CDH13: variants seen among roughly 807,000 people sequenced by gnomAD.
The protein encoded by CDH13 is cadherin-13.
CDH13 carries 24 observed loss-of-function variants against 63.8 expected under a neutral mutation model. The ratio of observed to expected loss-of-function variants is 0.38; its 90% CI spans 0.27 to 0.53. The LOEUF (loss-of-function observed/expected upper bound fraction) is 0.53, where lower values mean the gene tolerates loss of function less well. Among genes scored for constraint, CDH13 ranks in the 20% least tolerant of loss-of-function variants. The pLI is 0.85. For synonymous variants in CDH13, 503 were observed against 355.3 expected (o/e 1.42, Z -4.67); for missense variants, 1,049 against 903.1 (o/e 1.16, Z -2.07).
intron 8 of CDH13, 55 bp from the exon 9 acceptor site, chr16:83,670,735 G>A (rs1348835592): frequency 2.4e-5 from 36 of 1,505,160 alleles, no homozygotes; most frequent in Admixed American, 1.4e-4. Context: ...AAAGCATGTA[G>A]TAAATGACTA....
At position 83,178,899 on chromosome 16, in the gene CDH13, G is replaced by C. The variant is rs191046764; in HGVS notation, c.484-38446G>C. Among the ~76,000 whole-genome samples the C allele has an allele frequency of 2.2e-4, 34 of 152,242 alleles. 1 individual carries two copies. Among genetic ancestry groups the C allele is most frequent in the Non-Finnish European group, 1.6e-4 (11 of 68,018 alleles). On this transcript the variant is annotated intron_variant, in intron 4 of 13. Transcript: ENST00000567109. Reference sequence around the variant, plus strand: ...CACTCTCCCCTAACTTATTAAAGTTGCTTCTGGAAGTTACATAGAGACGTG... The same window carrying C: ...CACTCTCCCCTAACTTATTAAAGTTCCTTCTGGAAGTTACATAGAGACGTG...
chr16:83,118,623 A>G (rs955218833), intron 3 of CDH13, among the ~76,000 whole-genome samples: 4 of 152,058 alleles, frequency 2.6e-5, no homozygotes, highest in East Asian at 1.9e-4. Context: ...TGGTGTTAAT[A>G]AGACTCATCC....
At chr16:82,993,279 G>C (rs574143983) in intron 2 of CDH13, among the ~76,000 whole-genome samples, 15 of 152,266 alleles carry the variant, frequency 9.9e-5, no homozygotes, top group Non-Finnish European at 2.1e-4. Flanking sequence ...TCCCACCGTA[G>C]AGCATTGGTG....
intron 1 of CDH13, among the ~76,000 whole-genome samples, chr16:82,669,072 G>A (rs927105402): frequency 2.6e-5 from 4 of 152,226 alleles, no homozygotes; most frequent in African/African-American, 9.7e-5. Context: ...CCACGGATGA[G>A]CCTTGAACCA....
intron 1 of CDH13, among the ~76,000 whole-genome samples, chr16:82,659,694 T>C (rs1380635522): frequency 6.6e-6 from 1 of 152,118 alleles, no homozygotes; most frequent in African/African-American, 2.4e-5. Context: ...TAACATGGAC[T>C]AGGAGACTCA....
intron 10 of CDH13, among the ~76,000 whole-genome samples, chr16:83,747,614 T>C (rs534322112): frequency 6.6e-6 from 1 of 151,762 alleles, no homozygotes; most frequent in Admixed American, 6.6e-5. Flanking sequence ...TGACATCCTA[T>C]CTATTCCTCC....
At chr16:83,030,273 T>C (rs1916182694) in intron 2 of CDH13, among the ~76,000 whole-genome samples, 1 of 152,218 alleles carries the variant, frequency 6.6e-6, no homozygotes, top group African/African-American at 2.4e-5. Context: ...ACTGGGTCTC[T>C]TGGCCTCTCT....
intron 1 of CDH13, among the ~76,000 whole-genome samples, chr16:82,755,840 A>G (rs2034593817): frequency 6.6e-6 from 1 of 152,224 alleles, no homozygotes; most frequent in South Asian, 2.1e-4. Context: ...TGCCTTGTTA[A>G]ATATTCATCA....
chr16:82,896,169 A>G (rs983926030), intron 2 of CDH13, among the ~76,000 whole-genome samples: 2 of 151,768 alleles, frequency 1.3e-5, no homozygotes, highest in Non-Finnish European at 2.9e-5. Context: ...ATGGTGAGCA[A>G]TAGCCTTATT....
At chr16:83,394,496 T>A (rs990929100) in intron 6 of CDH13, among the ~76,000 whole-genome samples, 3 of 151,924 alleles carry the variant, frequency 2.0e-5, no homozygotes, top group African/African-American at 7.3e-5. Context: ...GGATGTGGGA[T>A]GGATGAAATA....
At chr16:82,953,041 G>C (rs957799160) in intron 2 of CDH13, among the ~76,000 whole-genome samples, 3 of 152,138 alleles carry the variant, frequency 2.0e-5, no homozygotes, top group Non-Finnish European at 4.4e-5. Context: ...AAGCGATAGA[G>C]AATTAGATAT....
chr16:83,307,533 C>T (rs1193347910), intron 5 of CDH13, among the ~76,000 whole-genome samples: 1 of 152,142 alleles, frequency 6.6e-6, no homozygotes, highest in East Asian at 1.9e-4. Flanking sequence ...CTAATAGGAG[C>T]ACCAAATCCT....
At chr16:82,819,792 C>T (rs547371530) in intron 1 of CDH13, among the ~76,000 whole-genome samples, 14 of 152,234 alleles carry the variant, frequency 9.2e-5, no homozygotes, top group Admixed American at 2.0e-4. Flanking sequence ...TGAATAAATA[C>T]GGCAAAGATC....
At chr16:83,319,534 G>T (rs994296614) in intron 5 of CDH13, among the ~76,000 whole-genome samples, 1 of 152,166 alleles carries the variant, frequency 6.6e-6, no homozygotes, top group African/African-American at 2.4e-5. Context: ...AGTAAATCAC[G>T]ACTTTACGAT....
intron 5 of CDH13, among the ~76,000 whole-genome samples, chr16:83,334,325 C>G (rs2090542194): frequency 7.0e-6 from 1 of 143,828 alleles, no homozygotes. Context: ...TCCCTATCTC[C>G]CTCTCTCCCT....
intron 6 of CDH13, among the ~76,000 whole-genome samples, chr16:83,438,732 C>T (rs1047018006): frequency 1.1e-4 from 16 of 152,128 alleles, no homozygotes; most frequent in African/African-American, 3.9e-4. Context: ...AATTATAATC[C>T]CCCAAATGAC....
chr16:82,918,127 G>T (rs1186913777), intron 2 of CDH13, among the ~76,000 whole-genome samples: 2 of 152,320 alleles, frequency 1.3e-5, no homozygotes, highest in East Asian at 3.9e-4. Context: ...CAGAGCAAAT[G>T]CAGAACCACA....
At chr16:82,772,768 A>G (rs1034731180) in intron 1 of CDH13, among the ~76,000 whole-genome samples, 6 of 152,186 alleles carry the variant, frequency 3.9e-5, no homozygotes, top group African/African-American at 1.4e-4. Context: ...AAGTAAAGTA[A>G]TATGTCTAAC....
intron 11 of CDH13, among the ~76,000 whole-genome samples, chr16:83,772,134 A>G (rs1280864068): frequency 2.0e-5 from 3 of 152,234 alleles, no homozygotes; most frequent in African/African-American, 4.8e-5. Context: ...CTATCCATGT[A>G]TACAAATAGA....
Sources: allele counts gnomAD v4.1 joint callset (sites outside exome capture counted in the v4.1 genomes callset), GRCh38; gene constraint gnomAD v4.1.1; transcripts MANE v1.5; gene names NCBI Gene and HGNC (gene_info 2026-07-23, HGNC 2026-07-21).